The following RIMS1 variants were observed in gnomAD, a reference collection of about 807,000 sequenced individuals.
The protein encoded by RIMS1 is regulating synaptic membrane exocytosis protein 1.
RIMS1 carries 83 observed loss-of-function variants against 214.1 expected under a neutral mutation model. The observed-to-expected ratio is 0.39, with a 90% CI of 0.32 to 0.47. RIMS1 has a LOEUF of 0.47. Ranked by LOEUF, RIMS1 falls within the 20% of genes least tolerant of loss-of-function variation. The probability of loss-of-function intolerance (pLI) is 0.99; values close to 1 mark genes in which losing one functional copy is unlikely to be tolerated. For synonymous variants in RIMS1, 793 were observed against 786.8 expected (o/e 1.01, Z -0.13); for missense variants, 2,050 against 2,161.8 (o/e 0.95, Z 1.03).
intron 1 of RIMS1, among the ~76,000 whole-genome samples, chr6:71,937,223 T>C (rs1442451656): frequency 6.6e-6 from 1 of 152,160 alleles, no homozygotes; most frequent in Non-Finnish European, 1.5e-5. Flanking sequence ...TAGAAATGTA[T>C]TTGGCTTATA....
At chr6:72,350,130 A>G (rs188877987) in intron 29 of RIMS1, among the ~76,000 whole-genome samples, 140 of 152,254 alleles carry the variant, frequency 9.2e-4, no homozygotes, top group Non-Finnish European at 1.3e-3. Context: ...TGAAAAGTAT[A>G]TTTTTGTGGG....
intron 2 of RIMS1, among the ~76,000 whole-genome samples, chr6:71,987,698 G>A (rs533012405): frequency 1.3e-5 from 2 of 152,086 alleles, no homozygotes; most frequent in Non-Finnish European, 2.9e-5. Flanking sequence ...CAGAAGGGTC[G>A]GCTACAATAG....
chr6:72,047,170 G>A (rs1440783839), intron 2 of RIMS1, among the ~76,000 whole-genome samples: 3 of 151,978 alleles, frequency 2.0e-5, no homozygotes, highest in Non-Finnish European at 4.4e-5. Context: ...GCTTTTTTGT[G>A]ACCCTCCAAC....
At chr6:72,368,576 A>C (rs1564590883) in intron 29 of RIMS1, among the ~76,000 whole-genome samples, 1 of 151,852 alleles carries the variant, frequency 6.6e-6, no homozygotes. Context: ...TTGAAGATAC[A>C]TACACAGTTA....
intron 6 of RIMS1, among the ~76,000 whole-genome samples, chr6:72,197,927 G>A (rs2051267301): frequency 6.6e-6 from 1 of 151,994 alleles, no homozygotes; most frequent in Non-Finnish European, 1.5e-5. Context: ...AGCTTTTGGA[G>A]GTTAAAAAAT....
At chr6:72,054,953 C>T (rs112344201) in intron 2 of RIMS1, among the ~76,000 whole-genome samples, 10,361 of 152,172 alleles carry the variant, frequency 0.068, 397 homozygotes, top group Non-Finnish European at 0.082. Context: ...CCAACTTTGG[C>T]TTTTGTTGCA....
intron 6 of RIMS1, among the ~76,000 whole-genome samples, chr6:72,211,945 A>T (rs2053884293): frequency 6.6e-6 from 1 of 152,108 alleles, no homozygotes; most frequent in Non-Finnish European, 1.5e-5. Context: ...CTGTTTCTCT[A>T]CATGGTTGAT....
intron 1 of RIMS1, among the ~76,000 whole-genome samples, chr6:71,951,392 C>CT (rs1174621414): frequency 1.3e-5 from 2 of 151,994 alleles, no homozygotes; most frequent in Non-Finnish European, 2.9e-5. Context: ...CAACTACATT[C>CT]TTACATTCAA....
intron 29 of RIMS1, among the ~76,000 whole-genome samples, chr6:72,386,743 T>C (rs1231621139): frequency 1.3e-5 from 2 of 148,178 alleles, no homozygotes; most frequent in East Asian, 3.9e-4. Context: ...TTTTTTTTTT[T>C]TTTTTTTTGA....
Position 72,396,740 on chromosome 6 carries a change from C to T in RIMS1, c.4619-1509C>T, listed in dbSNP as rs1321243359. Among the ~76,000 whole-genome samples, 13 of 152,204 alleles carry T rather than the reference C, an allele frequency of 8.5e-5. No individual in the cohort carries two copies. In the South Asian group the frequency reaches 1.9e-3, roughly 22 times the overall value. Reference sequence around the variant, plus strand: ...CTTATACAAATGCTTAGGCTGGACACGGTGGCTCACACCTGTAATCCCAGC... The same window carrying T: ...CTTATACAAATGCTTAGGCTGGACATGGTGGCTCACACCTGTAATCCCAGC... On this transcript the variant is annotated intron_variant, in intron 31 of 33. Transcript: ENST00000521978.
intron 5 of RIMS1, among the ~76,000 whole-genome samples, chr6:72,180,214 T>C (rs17782089): frequency 0.011 from 1,702 of 152,340 alleles, 10 homozygotes; most frequent in Non-Finnish European, 0.017. Context: ...GTTTCACTTA[T>C]AAACCTAGCC....
intron 29 of RIMS1, among the ~76,000 whole-genome samples, chr6:72,341,553 T>G (rs1459587149): frequency 1.3e-5 from 2 of 151,836 alleles, no homozygotes; most frequent in Non-Finnish European, 2.9e-5. Flanking sequence ...TACTTTAACT[T>G]GTACTATTGG....
At position 71,969,033 on chromosome 6, in the gene RIMS1, A is replaced by G. The variant is rs760645796; in HGVS notation, c.215A>G (p.Asn72Ser). The part of the protein sequence containing the change: ...AKPAACKTPR[N>S]AENQPHQPSP... ...CCTGCTGCCTGCAAAACACCAAGAA[A>G]TGCTGAAAACCAGCCCCACCAACCT... is the stretch of plus-strand genomic sequence containing the variant. Residue 72 changes from asparagine to serine, a missense_variant, in exon 2 of 34, where the codon AAT becomes AGT. Transcript: ENST00000521978. The G allele has an allele frequency of 9.9e-6, 16 of 1,614,016 alleles. No homozygotes were observed. The highest frequency in any genetic ancestry group is 1.2e-5 in the Non-Finnish European group (14 of 1,179,880).
At position 72,099,956 on chromosome 6, in the gene RIMS1, C is replaced by G; in HGVS notation, c.460-19C>G. 6.3e-7 allele frequency: 1 copy of G among 1,599,986 alleles called. No homozygotes were observed. Among genetic ancestry groups the G allele is most frequent in the Non-Finnish European group, 8.6e-7 (1 of 1,168,532 alleles). ...TTGTCTTCTTTCTCTACTCTGCTTCCTTGGATGCTTTCCCAAAGGAGGACA... is the reference window on the plus strand; with the variant it reads ...TTGTCTTCTTTCTCTACTCTGCTTCGTTGGATGCTTTCCCAAAGGAGGACA... On this transcript the variant is annotated intron_variant, in intron 3 of 33. Transcript: ENST00000521978.
intron 22 of RIMS1, among the ~76,000 whole-genome samples, chr6:72,274,124 T>C (rs992679006): frequency 1.3e-5 from 2 of 152,202 alleles, no homozygotes; most frequent in Admixed American, 6.5e-5. Flanking sequence ...TCTTCCCGAA[T>C]AAATTGTTTC....
intron 19 of RIMS1, chr6:72,263,190 A>C: frequency 2.0e-6 from 2 of 984,662 alleles, no homozygotes; most frequent in Non-Finnish European, 2.4e-6. Flanking sequence ...AATTTAATAC[A>C]CACAGCATAT....
chr6:72,224,812 A>G (rs1014171447), intron 6 of RIMS1, among the ~76,000 whole-genome samples: 3 of 152,214 alleles, frequency 2.0e-5, no homozygotes, highest in African/African-American at 7.2e-5. Context: ...CAGTTGAAAG[A>G]ACATGACTTT....
chr6:71,954,436 A>G (rs941087255), intron 1 of RIMS1, among the ~76,000 whole-genome samples: 2 of 152,202 alleles, frequency 1.3e-5, no homozygotes, highest in African/African-American at 4.8e-5. Flanking sequence ...ATATGAAACA[A>G]TTCATCTTGA....
intron 2 of RIMS1, among the ~76,000 whole-genome samples, chr6:72,057,981 A>C (rs1025563939): frequency 3.3e-5 from 5 of 152,254 alleles, no homozygotes; most frequent in Admixed American, 2.6e-4. Flanking sequence ...TTCCCTACTT[A>C]ATACAGGTGC....
Sources: allele counts gnomAD v4.1 joint callset (sites outside exome capture counted in the v4.1 genomes callset), GRCh38; gene constraint gnomAD v4.1.1; transcripts MANE v1.5; gene names NCBI Gene and HGNC (gene_info 2026-07-23, HGNC 2026-07-21).